Variants in NHSL1 observed in about 807,000 individuals in gnomAD.
The protein encoded by NHSL1 is NHS-like protein 1.
Under a neutral mutation model 95.0 loss-of-function variants are expected in NHSL1, and 48 were observed. The ratio of observed to expected loss-of-function variants is 0.51; its 90% CI spans 0.40 to 0.64. The LOEUF is 0.64. Ranked by LOEUF, NHSL1 falls within the 30% of genes least tolerant of loss-of-function variation. NHSL1 has a pLI of 0.00. For missense variants in NHSL1, 1,971 were observed against 2,077.7 expected (o/e 0.95, Z 1.00); for synonymous variants, 783 against 833.9 (o/e 0.94, Z 1.05).
At chr6:138,684,569 CG>C (rs1344928656) in intron 1 of NHSL1, among the ~76,000 whole-genome samples, 2 of 151,970 alleles carry the variant, frequency 1.3e-5, no homozygotes, top group Non-Finnish European at 2.9e-5. Context: ...CACTTGAACC[CG>C]GGAGGCAGAG....
chr6:138,646,780 G>A lies in NHSL1; in HGVS notation c.96+45696C>T, dbSNP rs11969326. Among the ~76,000 whole-genome samples the A allele has an allele frequency of 2.2e-3, 335 of 152,308 alleles. 4 individuals carry two copies. The highest frequency in any genetic ancestry group is 7.6e-3 in the African/African-American group (316 of 41,574). ...GTTTACAGTCATGAGCAAATGAAAC[G>A]TGACTCTGCTCTCCTGCAGCTTACA... On this transcript the variant is annotated intron_variant, in intron 1 of 3. Transcript: ENST00000491526.
At position 138,609,749 on chromosome 6, in the gene NHSL1, C is replaced by A. The variant is rs78833938; in HGVS notation, c.96+82727G>T. On this transcript the variant is annotated intron_variant, in intron 1 of 3. Transcript: ENST00000491526. ...TGGGAGACAGAGCAAGACTCTGTCT[C>A]AAAAAAAAAAAAAAAAATAGTGCTA... 8.6e-3 allele frequency among the ~76,000 whole-genome samples: 915 copies of A among 105,814 alleles called. 1 individual carries two copies. The highest frequency in any genetic ancestry group is 9.3e-3 in the African/African-American group (261 of 28,182). The allele number at this position is 105,814 out of a possible 152,430, so 69.4% of individuals were successfully genotyped here. A position where few individuals can be genotyped will look rare whatever the true frequency, so the allele number is the denominator to read the frequency against.
intron 4 of NHSL1, chr6:138,446,786 T>C (rs1449713719): frequency 7.3e-6 from 4 of 550,812 alleles, no homozygotes; most frequent in African/African-American, 3.8e-5. Flanking sequence ...TTGACACCAG[T>C]GTTTGGCGAC....
chr6:138,563,495 T>C (rs1242610790), intron 1 of NHSL1, among the ~76,000 whole-genome samples: 1 of 152,202 alleles, frequency 6.6e-6, no homozygotes, highest in Non-Finnish European at 1.5e-5. Context: ...TACACTAGGA[T>C]AAAGACATTT....
chr6:138,432,221 C>T lies in NHSL1; in HGVS notation c.2124G>A (p.Leu708=), dbSNP rs896818146. 1 of 1,547,100 alleles carries T rather than the reference C, an allele frequency of 6.5e-7. No homozygotes were observed. Among genetic ancestry groups the T allele is most frequent in the African/African-American group, 1.4e-5 (1 of 73,034 alleles). Reference sequence around the variant, plus strand: ...CACTCTTGCCTGGGAGGCTCAGCTGCAGCGAGTGCTGGAGTGTGGCGATCA... The same window carrying T: ...CACTCTTGCCTGGGAGGCTCAGCTGTAGCGAGTGCTGGAGTGTGGCGATCA... The part of the protein sequence containing the change: ...ESLIATLQHS[L]QLSLPGKSGS... Residue 708 remains leucine (L), a synonymous_variant, in exon 6 of 8, where the codon CTG becomes CTA. Transcript: ENST00000343505. This position sits in a 1 kb window ranked among gnomAD's most constrained non-coding sequence, Gnocchi z 4.4.
At chr6:138,570,143 T>TTACATCTACA (rs1783785286) in intron 1 of NHSL1, among the ~76,000 whole-genome samples, 1 of 152,242 alleles carries the variant, frequency 6.6e-6, no homozygotes, top group Non-Finnish European at 1.5e-5. Flanking sequence ...CTAATTCAGA[T>TTACATCTACA]GAAGCATCTA....
At position 138,431,840 on chromosome 6, in the gene NHSL1, C is replaced by G. The variant is rs1775696320; in HGVS notation, c.2505G>C (p.Lys835Asn). The part of the protein sequence containing the change: ...PQVPGGSVKP[K>N]IMSPEKSHRV... Reference sequence around the variant, plus strand: ...TGTGTGACTTCTCTGGTGACATGATCTTTGGTTTGACTGAACCACCGGGCA... The same window carrying G: ...TGTGTGACTTCTCTGGTGACATGATGTTTGGTTTGACTGAACCACCGGGCA... The change falls in exon 6 of 8, where the codon AAG becomes AAC. Residue 835 changes from lysine to asparagine, a missense_variant. By Grantham distance (94) the Lys-to-Asn change is moderately conservative. Around this residue, in one of 3 missense-constraint regions of NHSL1, gnomAD observed 1,602 missense variants for 1,654.5 expected, o/e 0.97. Transcript: ENST00000343505. The surrounding 1 kb of genome is among the most constrained non-coding windows in gnomAD (Gnocchi z 4.0). 2 of 1,551,530 alleles carry G rather than the reference C, an allele frequency of 1.3e-6. No individual in the cohort carries two copies. Among genetic ancestry groups the G allele is most frequent in the Non-Finnish European group, 1.7e-6 (2 of 1,146,974 alleles).
chr6:138,594,793 A>G (rs1342464932), intron 1 of NHSL1, among the ~76,000 whole-genome samples: 4 of 152,244 alleles, frequency 2.6e-5, no homozygotes, highest in African/African-American at 9.6e-5. Context: ...CACTCACTCA[A>G]AAGTGGACTT....
intron 1 of NHSL1, among the ~76,000 whole-genome samples, chr6:138,537,937 C>T (rs1782425032): frequency 6.6e-6 from 1 of 152,136 alleles, no homozygotes; most frequent in Non-Finnish European, 1.5e-5. Flanking sequence ...GAAGAGTTTC[C>T]TGGGGGTAGG....
intron 1 of NHSL1, among the ~76,000 whole-genome samples, chr6:138,558,572 C>T (rs1293942758): frequency 6.6e-6 from 1 of 151,938 alleles, no homozygotes; most frequent in African/African-American, 2.4e-5. Context: ...TACAGGAGCA[C>T]ACCACCATGC....
intron 3 of NHSL1, among the ~76,000 whole-genome samples, chr6:138,454,190 C>T (rs561476736): frequency 2.0e-4 from 31 of 151,268 alleles, no homozygotes; most frequent in African/African-American, 6.1e-4. Flanking sequence ...TATATGTGTG[C>T]GTGTGTGTGT....
chr6:138,622,393 G>A (rs9321667), intron 1 of NHSL1, among the ~76,000 whole-genome samples: 13 of 152,012 alleles, frequency 8.6e-5, no homozygotes, highest in Admixed American at 8.5e-4. Flanking sequence ...AGTCCCAGCT[G>A]CTGGGGAGGC....
upstream of NHSL1, among the ~76,000 whole-genome samples, chr6:138,504,118 C>G (rs893779673): frequency 5.9e-5 from 9 of 152,194 alleles, no homozygotes; most frequent in African/African-American, 2.2e-4. Flanking sequence ...GCCTGTAGTC[C>G]TAGCTACTCA....
At chr6:138,457,883 C>T (rs1777720910) in intron 3 of NHSL1, among the ~76,000 whole-genome samples, 1 of 151,982 alleles carries the variant, frequency 6.6e-6, no homozygotes, top group Non-Finnish European at 1.5e-5. Context: ...TGGCACGTGC[C>T]TGTGGTCCCA....
intron 1 of NHSL1, among the ~76,000 whole-genome samples, chr6:138,514,607 T>C (rs1430614578): frequency 6.6e-6 from 1 of 151,954 alleles, no homozygotes; most frequent in East Asian, 1.9e-4. Flanking sequence ...TCCCTCTCTC[T>C]TTTTCTCTCT....
Position 138,671,928 on chromosome 6 carries a change from T to G in NHSL1, c.96+20548A>C, listed in dbSNP as rs893333482. Among the ~76,000 whole-genome samples, 6 of 143,456 alleles carry G rather than the reference T, an allele frequency of 4.2e-5. No homozygotes were observed. The East Asian group carries it at 6.4e-4, about 15-fold the overall frequency. 94.1% of individuals were successfully genotyped at this position (143,456 alleles called of 152,430 possible). A position where few individuals can be genotyped will look rare whatever the true frequency, so the allele number is the denominator to read the frequency against. On this transcript the variant is annotated intron_variant, in intron 1 of 3. Transcript: ENST00000491526. ...GAAAGAGGATAGGGAAGATGTAGGA[T>G]GGGAGGTATACCTATAGGGGGGTGG...
chr6:138,430,736 C>G lies in NHSL1; in HGVS notation c.3609G>C (p.Leu1203=). 1 of 1,551,728 alleles carries G rather than the reference C, an allele frequency of 6.4e-7. No homozygotes were observed. The highest frequency in any genetic ancestry group is 8.7e-7 in the Non-Finnish European group (1 of 1,147,024). ...AATCTTTCTGCGGAGGTGGTACCAC[C>G]AGGAACAGTTTGGGCTTCTTGGAAA... ...PPISKKPKLF[L]VVPPPQKDFA... The change falls in exon 6 of 8, where the codon CTG becomes CTC. Residue 1203 remains leucine (L), a synonymous_variant. Transcript: ENST00000343505. This position sits in a 1 kb window ranked among gnomAD's most constrained non-coding sequence, Gnocchi z 4.7.
intron 3 of NHSL1, among the ~76,000 whole-genome samples, chr6:138,470,383 G>A (rs1041834927): frequency 6.6e-5 from 10 of 152,010 alleles, no homozygotes; most frequent in African/African-American, 1.7e-4. Context: ...TTGACTTCCC[G>A]GGCTTAAGCA....
At chr6:138,680,296 T>C (rs2114783176) in intron 1 of NHSL1, among the ~76,000 whole-genome samples, 1 of 152,304 alleles carries the variant, frequency 6.6e-6, no homozygotes, top group East Asian at 1.9e-4. Context: ...TTCAAATGTC[T>C]GTCAGTGTCA....
Sources: gnomAD v4.1 joint callset for allele counts (sites outside exome capture counted in the v4.1 genomes callset) on GRCh38, gnomAD v4.1.1 for gene constraint, gnomAD v4.1.1 regional missense constraint, Gnocchi (gnomAD v3.1) non-coding constraint, MANE v1.5 for transcripts, NCBI Gene and HGNC (gene_info 2026-07-23, HGNC 2026-07-21) for gene names.